Variants in RNF10 observed in about 807,000 individuals in gnomAD.
RNF10 encodes the protein ring finger protein 10, also known as E3 ubiquitin-protein ligase RNF10.
A neutral mutation model predicts 91.4 loss-of-function variants in RNF10; 38 were observed. That is an observed-to-expected ratio of 0.42 (90% CI 0.32 to 0.54). RNF10 has a LOEUF of 0.54. Among genes scored for constraint, RNF10 ranks in the 20% least tolerant of loss-of-function variants. The pLI, the probability that RNF10 is intolerant of heterozygous loss-of-function variation, is 0.16. For missense variants in RNF10, 945 were observed against 1,012.0 expected (o/e 0.93, Z 0.90); for synonymous variants, 364 against 366.3 (o/e 0.99, Z 0.07).
At chr12:120,568,797 G>T (rs1004672851) in intron 13 of RNF10, among the ~76,000 whole-genome samples, 3 of 151,762 alleles carry the variant, frequency 2.0e-5, no homozygotes, top group African/African-American at 4.8e-5. Context: ...AAGAGATAGG[G>T]TCTTGCTCAG....
At position 120,576,627 on chromosome 12, in the gene RNF10, G is replaced by C; in HGVS notation, c.2397G>C (p.Gln799His). The change falls in exon 17 of 17, where the codon CAG (glutamine) becomes CAC (histidine). Residue 799 changes from glutamine to histidine, a missense_variant. By Grantham distance (24) the Gln-to-His change is conservative. Coordinates refer to ENST00000325954, the MANE Select transcript of RNF10 (RefSeq NM_014868.5). ...GAAAGAAAAGAAAAAAACAGAAACA[G>C]AAGCTCCTGTTCAGCACCTCAGTCG... ...KGGKKRKKQK[Q>H]KLLFSTSVVH... is the part of the protein sequence containing the mutation. The C allele has an allele frequency of 6.2e-7, 1 of 1,614,012 alleles. No homozygotes were observed. Among genetic ancestry groups the C allele is most frequent in the East Asian group, 2.2e-5 (1 of 44,878 alleles).
rs774687538 is a variant in RNF10 at position 120,562,985 on chromosome 12, G to A, written c.1169G>A (p.Arg390Lys). Residue 390 changes from arginine to lysine, a missense_variant, in exon 8 of 17, where the codon AGG becomes AAG. Arg to Lys is a conservative substitution (Grantham distance 26). Transcript: ENST00000325954. ...EALSGLAGSR[R>K]EVTGVVAALE... ...CTGTCGGGATTGGCCGGAAGCAGAA[G>A]GGAGGTCACTGGTGTTGTGGCTGCT... The A allele has an allele frequency of 4.6e-5, 75 of 1,614,046 alleles. No homozygotes were observed. Among genetic ancestry groups the A allele is most frequent in the Non-Finnish European group, 6.0e-5 (71 of 1,180,018 alleles).
chr12:120,554,959 C>A (rs1265338411), intron 4 of RNF10, 151 bp downstream of exon 4: 3 of 652,812 alleles, frequency 4.6e-6, no homozygotes, highest in African/African-American at 3.7e-5. Context: ...GTTCCTGGTT[C>A]TTCCTGGAGT....
chr12:120,545,830 C>T (rs1267702055), intron 1 of RNF10, among the ~76,000 whole-genome samples: 3 of 152,232 alleles, frequency 2.0e-5, no homozygotes, highest in Admixed American at 6.5e-5. Context: ...TGAGCCATTG[C>T]GCCCAGCCCC....
intron 4 of RNF10, 87 bp from the exon 5 acceptor site, chr12:120,557,195 C>T (rs1593084966): frequency 3.5e-6 from 4 of 1,136,602 alleles, no homozygotes; most frequent in South Asian, 1.4e-5. Context: ...GAGAGAGATG[C>T]GGATGAGAGA....
At chr12:120,542,084 T>G (rs2137136141) in intron 1 of RNF10, among the ~76,000 whole-genome samples, 2 of 151,866 alleles carry the variant, frequency 1.3e-5, no homozygotes, top group Admixed American at 1.3e-4. Context: ...GCCAGGATGG[T>G]CTTGATCTCC....
chr12:120,576,699 T>C lies in RNF10; in HGVS notation c.*33T>C, dbSNP rs199883755. 3.0e-5 allele frequency: 48 copies of C among 1,588,192 alleles called. No homozygotes were observed. The East Asian group carries it at 1.0e-3, about 34-fold the overall frequency. On this transcript the variant is annotated 3_prime_UTR_variant, in exon 17 of 17. Coordinates refer to ENST00000325954, the MANE Select transcript of RNF10 (RefSeq NM_014868.5). ...GGCCCAGGCTACCTTCTCCATCTGGTTTTTGTTTTTGTTTTTTTTTCCCCC... is the reference window on the plus strand; with the variant it reads ...GGCCCAGGCTACCTTCTCCATCTGGCTTTTGTTTTTGTTTTTTTTTCCCCC...
chr12:120,564,935 G>T (rs1875450974), intron 10 of RNF10, 137 bp from the exon 11 acceptor site: 1 of 669,140 alleles, frequency 1.5e-6, no homozygotes, highest in African/African-American at 1.8e-5. Flanking sequence ...TTTTCAAAAT[G>T]AGGATAATTG....
At chr12:120,547,807 C>T (rs1030477920) in intron 2 of RNF10, among the ~76,000 whole-genome samples, 1 of 152,040 alleles carries the variant, frequency 6.6e-6, no homozygotes, top group African/African-American at 2.4e-5. Flanking sequence ...GATGAGAAGC[C>T]ATTGAAAGGT....
chr12:120,574,838 A>G (rs1877161648), intron 14 of RNF10: 1 of 221,440 alleles, frequency 4.5e-6, no homozygotes, highest in Non-Finnish European at 9.2e-6. Context: ...AGGCAGGAGA[A>G]TCACTTGAAG....
In RNF10 at chr12:120,565,131, C is replaced by T. The variant is rs750058332; in HGVS notation, c.1725C>T (p.Ile575=). 23 of 1,614,092 alleles carry T rather than the reference C, an allele frequency of 1.4e-5. No homozygotes were observed. The South Asian group carries it at 2.2e-4, about 15-fold the overall frequency. Reference sequence around the variant, plus strand: ...TGCCACTCACCTGTGAGTTCAGCATCTGTGAACTGGCTTTGCAACCTCCTG... The same window carrying T: ...TGCCACTCACCTGTGAGTTCAGCATTTGTGAACTGGCTTTGCAACCTCCTG... The part of the protein sequence containing the change: ...SHLPLTCEFS[I]CELALQPPVV... Residue 575 remains isoleucine, a synonymous_variant, in exon 11 of 17, where the codon ATC becomes ATT. Coordinates refer to ENST00000325954, the MANE Select transcript of RNF10 (RefSeq NM_014868.5).
chr12:120,570,553 T>G (rs17487385), intron 13 of RNF10, among the ~76,000 whole-genome samples: 1 of 152,144 alleles, frequency 6.6e-6, no homozygotes, highest in Admixed American at 6.6e-5. Flanking sequence ...ATAAGAGTAC[T>G]GACCATGTGA....
At position 120,571,221 on chromosome 12, in the gene RNF10, C is replaced by T; in HGVS notation, c.2072C>T (p.Ala691Val). The T allele has an allele frequency of 6.2e-7, 1 of 1,613,926 alleles. No individual in the cohort carries two copies. The highest frequency in any genetic ancestry group is 8.5e-7 in the Non-Finnish European group (1 of 1,179,880). The change falls in exon 14 of 17, where the codon GCC (alanine) becomes GTC (valine). Residue 691 changes from alanine (A) to valine (V), a missense_variant. Transcript: ENST00000325954. Reference sequence around the variant, plus strand: ...CTGCTGACCCCTCTGTCACCCACTGCCAGTCAGGGCAGTCCCTCATTCTGC... The same window carrying T: ...CTGCTGACCCCTCTGTCACCCACTGTCAGTCAGGGCAGTCCCTCATTCTGC... ...DFLLTPLSPT[A>V]SQGSPSFCVG...
At chr12:120,569,767 G>A (rs1876338921) in intron 13 of RNF10, among the ~76,000 whole-genome samples, 1 of 151,828 alleles carries the variant, frequency 6.6e-6, no homozygotes, top group South Asian at 2.1e-4. Flanking sequence ...CAAACTCATG[G>A]CTTCAAGTGA....
intron 16 of RNF10, 113 bp from the exon 17 acceptor site, chr12:120,576,477 A>C: frequency 6.9e-7 from 1 of 1,459,112 alleles, no homozygotes; most frequent in Middle Eastern, 1.8e-4. Flanking sequence ...TAGGCAGTCT[A>C]ATTCCAGAGC....
intron 3 of RNF10, 28 bp from the exon 4 acceptor site, chr12:120,554,690 A>G (rs1459390443): frequency 1.3e-6 from 2 of 1,545,872 alleles, no homozygotes; most frequent in East Asian, 2.2e-5. Context: ...CTGACAGTCT[A>G]GCTTTTTCCT....
Position 120,575,631 on chromosome 12 carries a change from A to ATG in RNF10, c.2144_2145dup (p.Leu716CysfsTer2). ...CCCCACTTCTTTCCCACTTTGGCAG[A>ATG]TGCTGAGGGTTGGAAAAGCAAAAGC... On this transcript the variant is annotated frameshift_variant and splice_region_variant, in exon 15 of 17. Transcript: ENST00000325954. LOFTEE classifies it high-confidence loss of function. 1 of 1,614,230 alleles carries ATG rather than the reference A, an allele frequency of 6.2e-7. No homozygotes were observed. The highest frequency in any genetic ancestry group is 8.5e-7 in the Non-Finnish European group (1 of 1,180,032).
chr12:120,574,866 C>T (rs938698434), intron 14 of RNF10: 20 of 207,716 alleles, frequency 9.6e-5, no homozygotes, highest in Non-Finnish European at 1.7e-4. Flanking sequence ...GCAGAGGTTG[C>T]GGTAAGCCAA....
intron 6 of RNF10, 148 bp from the exon 7 acceptor site, chr12:120,560,578 G>T: frequency 1.4e-6 from 1 of 714,726 alleles, no homozygotes; most frequent in Non-Finnish European, 2.3e-6. Flanking sequence ...CTTATTTTAA[G>T]ACCATTGTTA....
Sources: gnomAD v4.1 joint callset for allele counts (sites outside exome capture counted in the v4.1 genomes callset) on GRCh38, gnomAD v4.1.1 for gene constraint, MANE v1.5 for transcripts, NCBI Gene and HGNC (gene_info 2026-07-23, HGNC 2026-07-21) for gene names.